LYRM4: variants seen among roughly 807,000 people sequenced by gnomAD.
The protein encoded by LYRM4 is LYR motif containing 4, also known as LYR motif-containing protein 4.
Under a neutral mutation model 11.7 loss-of-function variants are expected in LYRM4, and 9 were observed. The ratio of observed to expected loss-of-function variants is 0.77; its 90% CI spans 0.46 to 1.34. The LOEUF (loss-of-function observed/expected upper bound fraction) is 1.34. Among genes scored for constraint, LYRM4 ranks in the 40% most tolerant of loss-of-function variants. The pLI, the probability that LYRM4 is intolerant of heterozygous loss-of-function variation, is 0.00. For synonymous variants in LYRM4, 42 were observed against 40.4 expected (o/e 1.04, Z -0.15); for missense variants, 133 against 112.5 (o/e 1.18, Z -0.82).
chr6:5,110,822 T>C (rs60509682), intron 2 of LYRM4, among the ~76,000 whole-genome samples: 18,073 of 152,148 alleles, frequency 0.12, 1,237 homozygotes, highest in African/African-American at 0.19. Flanking sequence ...AGAGAAGACT[T>C]TGGACGCAAG....
At chr6:5,148,793 T>C (rs894118105) in intron 2 of LYRM4, among the ~76,000 whole-genome samples, 2 of 152,188 alleles carry the variant, frequency 1.3e-5, no homozygotes, top group African/African-American at 4.8e-5. Context: ...ATATGAAAGA[T>C]ATAATGGAAT....
At chr6:5,185,075 C>T (rs768028284) in intron 2 of LYRM4, among the ~76,000 whole-genome samples, 6 of 152,190 alleles carry the variant, frequency 3.9e-5, no homozygotes, top group Non-Finnish European at 8.8e-5. Flanking sequence ...CTTCCCCAGC[C>T]CCTGTACTTA....
the LYRM4 span, among the ~76,000 whole-genome samples, chr6:5,090,620 G>A: frequency 1.3e-5 from 2 of 152,092 alleles, no homozygotes; most frequent in Non-Finnish European, 2.9e-5. The surrounding 1 kb of genome is among the most constrained non-coding windows in gnomAD (Gnocchi z 4.8). Context: ...TCAGGTGTGC[G>A]GTGGGCTTTC....
intron 2 of LYRM4, among the ~76,000 whole-genome samples, chr6:5,131,567 A>G (rs543319435): frequency 7.9e-5 from 12 of 152,298 alleles, no homozygotes; most frequent in Admixed American, 5.2e-4. Context: ...TGCCTGCAAA[A>G]AAGCTCCCTC....
In LYRM4 at chr6:5,186,983, TA is replaced by T. The variant is rs34616988; in HGVS notation, c.207+29634del. 0.31 allele frequency: 216,764 copies of T among 696,384 alleles called. 10,368 individuals are homozygous for T. Among genetic ancestry groups the T allele is most frequent in the African/African-American group, 0.48 (23,485 of 49,100 alleles). The allele number at this position is 696,384 out of a possible 1,614,324, so 43.1% of individuals were successfully genotyped here. On this transcript the variant is annotated intron_variant, in intron 2 of 2. Coordinates refer to ENST00000330636, the MANE Select transcript of LYRM4 (RefSeq NM_020408.6). The stretch of plus-strand genomic sequence containing the variant: ...TGGGCGACAGAGTGAGAGTCCATCT[TA>T]AAAAAAAAAAAAAATTGTCTATAAA...
intron 2 of LYRM4, among the ~76,000 whole-genome samples, chr6:5,166,572 A>T (rs1317911256): frequency 6.6e-6 from 1 of 152,242 alleles, no homozygotes; most frequent in Non-Finnish European, 1.5e-5. Context: ...AGTAGAAGAG[A>T]GAAAAAACCG....
At chr6:5,075,276 G>A in the LYRM4 span, among the ~76,000 whole-genome samples, 3 of 152,262 alleles carry the variant, frequency 2.0e-5, no homozygotes, top group Non-Finnish European at 4.4e-5. Flanking sequence ...CAAAATCCTA[G>A]GGAATCTCAA....
intron 2 of LYRM4, among the ~76,000 whole-genome samples, chr6:5,214,512 T>G (rs1304545941): frequency 1.3e-5 from 2 of 152,166 alleles, no homozygotes; most frequent in Admixed American, 1.3e-4. Context: ...GGCCCGATCT[T>G]TCTTTTGAAA....
At chr6:5,049,947 C>T in the LYRM4 span, among the ~76,000 whole-genome samples, 2 of 152,208 alleles carry the variant, frequency 1.3e-5, no homozygotes, top group African/African-American at 4.8e-5. Flanking sequence ...GGATTACAGG[C>T]ATAAGCCACC....
At chr6:5,145,596 A>T (rs1757676895) in intron 2 of LYRM4, among the ~76,000 whole-genome samples, 1 of 152,112 alleles carries the variant, frequency 6.6e-6, no homozygotes, top group South Asian at 2.1e-4. Context: ...AAGCAATAGG[A>T]CCCCAGCCTT....
At chr6:5,200,235 C>A (rs1761309043) in intron 2 of LYRM4, among the ~76,000 whole-genome samples, 1 of 152,278 alleles carries the variant, frequency 6.6e-6, no homozygotes, top group Non-Finnish European at 1.5e-5. Context: ...GTATGGGTAG[C>A]AAACCCTTAG....
chr6:5,129,196 C>G (rs927799835), intron 2 of LYRM4, among the ~76,000 whole-genome samples: 1 of 152,144 alleles, frequency 6.6e-6, no homozygotes, highest in Non-Finnish European at 1.5e-5. Flanking sequence ...GCATTGGGCT[C>G]GCGGGCTGCC....
intron 2 of LYRM4, among the ~76,000 whole-genome samples, chr6:5,203,768 C>G (rs553809172): frequency 6.6e-6 from 1 of 152,256 alleles, no homozygotes; most frequent in South Asian, 2.1e-4. Flanking sequence ...TGGGCAGGGC[C>G]CCTCGTGTTG....
intron 2 of LYRM4, among the ~76,000 whole-genome samples, chr6:5,142,866 G>T (rs958346427): frequency 6.6e-6 from 1 of 152,176 alleles, no homozygotes; most frequent in East Asian, 1.9e-4. Flanking sequence ...TTTCCCTAAG[G>T]AGAGCGCAGC....
chr6:5,088,027 C>T, the LYRM4 span: 5 of 152,138 alleles, frequency 3.3e-5, no homozygotes, highest in Non-Finnish European at 4.4e-5. Flanking sequence ...CCAAATTTGG[C>T]ACACAGCTTA....
chr6:5,245,955 G>A (rs1251675347), intron 1 of LYRM4, among the ~76,000 whole-genome samples: 1 of 152,198 alleles, frequency 6.6e-6, no homozygotes, highest in African/African-American at 2.4e-5. Context: ...AGGAAACACA[G>A]ACCATGGTAA....
At chr6:5,150,736 C>T (rs1174474068) in intron 2 of LYRM4, among the ~76,000 whole-genome samples, 1 of 152,236 alleles carries the variant, frequency 6.6e-6, no homozygotes, top group East Asian at 1.9e-4. Context: ...CCGCTGCATG[C>T]TCAGGCTCTG....
At chr6:5,145,073 T>C (rs2127630457) in intron 2 of LYRM4, among the ~76,000 whole-genome samples, 1 of 152,266 alleles carries the variant, frequency 6.6e-6, no homozygotes, top group South Asian at 2.1e-4. Flanking sequence ...TGGAAGAGAA[T>C]TCCACAGAAA....
intron 2 of LYRM4, among the ~76,000 whole-genome samples, chr6:5,128,317 C>T (rs555951119): frequency 6.6e-6 from 1 of 152,314 alleles, no homozygotes; most frequent in African/African-American, 2.4e-5. Flanking sequence ...TCACCGCTCA[C>T]ACACCCTGCT....
Sources: allele counts gnomAD v4.1 joint callset (sites outside exome capture counted in the v4.1 genomes callset), GRCh38; gene constraint gnomAD v4.1.1; non-coding constraint Gnocchi (gnomAD v3.1); transcripts MANE v1.5; gene names NCBI Gene and HGNC (gene_info 2026-07-23, HGNC 2026-07-21).